The following CYB5R4 variants were observed in gnomAD, a reference collection of about 807,000 sequenced individuals.
The protein encoded by CYB5R4 is cytochrome b5 reductase 4.
In CYB5R4, 55 loss-of-function variants were observed where a neutral mutation model predicts 70.2. The ratio of observed to expected loss-of-function variants is 0.78; its 90% confidence interval spans 0.63 to 0.98. The LOEUF (loss-of-function observed/expected upper bound fraction) is 0.98, where lower values mean the gene tolerates loss of function less well. Ranked by LOEUF, CYB5R4 falls within the 50% of genes least tolerant of loss-of-function variation. The pLI is 0.00. For missense variants in CYB5R4, 562 were observed against 612.6 expected, an observed-to-expected ratio of 0.92 and a Z score of 0.87; for synonymous variants, 197 against 199.5, an observed-to-expected ratio of 0.99 and a Z score of 0.11.
intron 3 of CYB5R4, among the ~76,000 whole-genome samples, chr6:83,894,402 G>A (rs1278296043): frequency 6.6e-6 from 1 of 151,974 alleles, no homozygotes; most frequent in South Asian, 2.1e-4. Context: ...GAATCAGGTT[G>A]GGTTATATTA....
intron 3 of CYB5R4, among the ~76,000 whole-genome samples, chr6:83,895,219 G>A (rs934901358): frequency 1.3e-5 from 2 of 152,144 alleles, no homozygotes; most frequent in African/African-American, 4.8e-5. Context: ...AGGCTGGAGT[G>A]CAGTGGTGTG....
intron 4 of CYB5R4, among the ~76,000 whole-genome samples, chr6:83,911,841 C>G (rs767145271): frequency 6.6e-6 from 1 of 151,832 alleles, no homozygotes; most frequent in Non-Finnish European, 1.5e-5. Flanking sequence ...TTCAGGAGTT[C>G]AAGACCAGCC....
chr6:83,936,454 G>A, intron 12 of CYB5R4, 78 bp downstream of exon 12: 1 of 1,251,768 alleles, frequency 8.0e-7, no homozygotes, highest in Non-Finnish European at 1.1e-6. Context: ...CTCCATGTAG[G>A]AGTCTATCAG....
At chr6:83,921,389 A>C (rs940916007) in intron 8 of CYB5R4, among the ~76,000 whole-genome samples, 2 of 152,232 alleles carry the variant, frequency 1.3e-5, no homozygotes, top group African/African-American at 4.8e-5. Flanking sequence ...AAGCAATTAG[A>C]TGCAATCAAA....
chr6:83,884,032 AAG>A (rs1489741075), intron 2 of CYB5R4, among the ~76,000 whole-genome samples: 1 of 152,014 alleles, frequency 6.6e-6, no homozygotes, highest in Non-Finnish European at 1.5e-5. Flanking sequence ...AAGGCAGGGA[AAG>A]AGAAACAGAG....
intron 2 of CYB5R4, 110 bp downstream of exon 2, chr6:83,864,438 A>G: frequency 6.4e-6 from 6 of 937,838 alleles, no homozygotes; most frequent in Non-Finnish European, 9.5e-6. Context: ...TTTAACAAAA[A>G]TATGCCTTGT....
chr6:83,885,794 A>G (rs1299837338), intron 2 of CYB5R4, among the ~76,000 whole-genome samples: 1 of 152,158 alleles, frequency 6.6e-6, no homozygotes, highest in Non-Finnish European at 1.5e-5. Flanking sequence ...TGGAACCTCT[A>G]ACTATTGCTG....
rs2099466968 is a variant in CYB5R4, at chr6:83,924,572, T to C, written c.794T>C (p.Leu265Pro). Reference sequence around the variant, plus strand: ...CATCCCCTGAAGAATCATAATTCACTTATTCCAAGGAAAGATACAGGTATG... The same window carrying C: ...CATCCCCTGAAGAATCATAATTCACCTATTCCAAGGAAAGATACAGGTATG... ...LGHPLKNHNSLIPRKDTGLYY... is the reference protein window; with the variant it reads ...LGHPLKNHNSPIPRKDTGLYY... The change falls in exon 10 of 16, where the codon CTT (leucine) becomes CCT (proline). Residue 265 changes from leucine to proline, a missense_variant. By Grantham distance (98) the Leu-to-Pro change is moderately conservative (BLOSUM62 -3). Transcript: ENST00000369681. The C allele has an allele frequency of 4.3e-6, 7 of 1,613,374 alleles. No homozygotes were observed. The highest frequency in any genetic ancestry group is 1.7e-5 in the Admixed American group (1 of 59,936).
chr6:83,922,935 A>G (rs1302080829), intron 9 of CYB5R4, among the ~76,000 whole-genome samples: 1 of 151,672 alleles, frequency 6.6e-6, no homozygotes, highest in Non-Finnish European at 1.5e-5. Context: ...ATCACAGTAC[A>G]CACACCACCA....
chr6:83,913,909 A>T (rs1231942138), intron 4 of CYB5R4, among the ~76,000 whole-genome samples: 2 of 152,196 alleles, frequency 1.3e-5, no homozygotes, highest in Non-Finnish European at 2.9e-5. Context: ...AACACTAATA[A>T]TTGCATTGGG....
intron 2 of CYB5R4, among the ~76,000 whole-genome samples, chr6:83,882,177 C>T (rs1253091312): frequency 6.6e-6 from 1 of 152,134 alleles, no homozygotes; most frequent in Non-Finnish European, 1.5e-5. Flanking sequence ...GTGAGTTTCC[C>T]ATTTCTTATG....
intron 6 of CYB5R4, among the ~76,000 whole-genome samples, chr6:83,918,558 C>G (rs1588576031): frequency 6.6e-6 from 1 of 151,952 alleles, no homozygotes; most frequent in East Asian, 1.9e-4. Flanking sequence ...TCTCTGCATT[C>G]CATCATATGA....
At chr6:83,947,700 G>GA (rs878885091) in intron 14 of CYB5R4, among the ~76,000 whole-genome samples, 1 of 151,980 alleles carries the variant, frequency 6.6e-6, no homozygotes, top group African/African-American at 2.4e-5. Flanking sequence ...AATTTACAAG[G>GA]AAAAAAATCC....
intron 4 of CYB5R4, chr6:83,910,339 G>A (rs2099464482): frequency 7.0e-6 from 4 of 568,686 alleles, no homozygotes; most frequent in Non-Finnish European, 1.2e-5. Flanking sequence ...TAGGGGAGAA[G>A]TAAGACGGTT....
At chr6:83,884,434 G>A (rs573771988) in intron 2 of CYB5R4, among the ~76,000 whole-genome samples, 1 of 151,978 alleles carries the variant, frequency 6.6e-6, no homozygotes, top group Non-Finnish European at 1.5e-5. Flanking sequence ...CTTACCAGAG[G>A]TATAGACATT....
intron 3 of CYB5R4, among the ~76,000 whole-genome samples, chr6:83,905,309 G>A (rs908146577): frequency 6.6e-6 from 1 of 152,090 alleles, no homozygotes; most frequent in Non-Finnish European, 1.5e-5. Flanking sequence ...TTCCCGCCTC[G>A]GCCTCCCAAA....
At chr6:83,898,526 T>C (rs978305802) in intron 3 of CYB5R4, among the ~76,000 whole-genome samples, 5 of 152,234 alleles carry the variant, frequency 3.3e-5, no homozygotes, top group African/African-American at 1.2e-4. Flanking sequence ...TTGATGGGGA[T>C]GGCATTGAAT....
intron 10 of CYB5R4, among the ~76,000 whole-genome samples, chr6:83,934,192 G>A (rs959755830): frequency 6.1e-5 from 9 of 148,294 alleles, no homozygotes; most frequent in Non-Finnish European, 1.2e-4. Context: ...CCAGGAGTTC[G>A]ACATCAGCCT....
chr6:83,872,420 A>G (rs2099457780), intron 2 of CYB5R4, among the ~76,000 whole-genome samples: 2 of 152,330 alleles, frequency 1.3e-5, no homozygotes, highest in South Asian at 4.1e-4. Flanking sequence ...CGCATTTACC[A>G]AATAAGAAAA....
Sources: allele counts gnomAD v4.1 joint callset (sites outside exome capture counted in the v4.1 genomes callset), GRCh38; gene constraint gnomAD v4.1.1; transcripts MANE v1.5; gene names NCBI Gene and HGNC (gene_info 2026-07-23, HGNC 2026-07-21).